Variants in SKP2 observed in about 807,000 individuals in gnomAD.
SKP2 encodes the protein S-phase kinase associated protein 2, also known as S-phase kinase-associated protein 2.
In SKP2, 16 loss-of-function variants were observed where a neutral mutation model predicts 51.8. The observed-to-expected ratio is 0.31, with a 90% CI of 0.21 to 0.47. The LOEUF (loss-of-function observed/expected upper bound fraction) is 0.47. SKP2 is among the 20% of genes least tolerant of loss of function. The probability of loss-of-function intolerance (pLI) is 1.00; values close to 1 mark genes in which losing one functional copy is unlikely to be tolerated. For synonymous variants in SKP2, 176 were observed against 198.6 expected (o/e 0.89, Z 0.96); for missense variants, 377 against 505.3 (o/e 0.75, Z 2.43).
chr5:36,164,104 C>A (rs1184073413), intron 3 of SKP2, among the ~76,000 whole-genome samples: 1 of 152,156 alleles, frequency 6.6e-6, no homozygotes. Context: ...GCAGTGAGCA[C>A]AATAGGGAGA....
chr5:36,187,440 T>G (rs985087703), downstream of SKP2, among the ~76,000 whole-genome samples: 1 of 150,868 alleles, frequency 6.6e-6, no homozygotes, highest in East Asian at 1.9e-4. Flanking sequence ...TGTGTCTTTG[T>G]TCTCATTCGT....
intron 5 of SKP2, among the ~76,000 whole-genome samples, chr5:36,169,252 C>T (rs757411533): frequency 9.2e-5 from 14 of 152,080 alleles, no homozygotes; most frequent in Non-Finnish European, 1.9e-4. Flanking sequence ...TGAGACCAGC[C>T]TGGCCAACAT....
At chr5:36,188,955 C>G (rs185618486), downstream of SKP2, among the ~76,000 whole-genome samples, 70 of 152,222 alleles carry the variant, frequency 4.6e-4, no homozygotes, top group South Asian at 0.011. Flanking sequence ...CTCTAAACTT[C>G]TCACTTCATT....
intron 7 of SKP2, 26 bp downstream of exon 7, chr5:36,171,759 T>G (rs1031608073): frequency 1.9e-6 from 3 of 1,610,702 alleles, no homozygotes; most frequent in Non-Finnish European, 2.5e-6. Context: ...CCTGGACCAC[T>G]GAGGCCTTCA....
In SKP2 at chr5:36,182,550, T is replaced by C; in HGVS notation, c.*519T>C. 1.0e-6 allele frequency: 1 copy of C among 984,970 alleles called. No individual in the cohort carries two copies. Among genetic ancestry groups the C allele is most frequent in the South Asian group, 4.7e-5 (1 of 21,280 alleles). 61.0% of individuals were successfully genotyped at this position (984,970 alleles called of 1,614,324 possible). A position where few individuals can be genotyped will look rare whatever the true frequency, so the allele number is the denominator to read the frequency against. Reference sequence around the variant, plus strand: ...TTTCTAGGAATAGGAAAGAGAAAAATGTATTTGAATTTTGCCTTTAGATTT... The same window carrying C: ...TTTCTAGGAATAGGAAAGAGAAAAACGTATTTGAATTTTGCCTTTAGATTT... On this transcript the variant is annotated 3_prime_UTR_variant, in exon 10 of 10. Transcript: ENST00000274255.
Position 36,168,458 on chromosome 5 carries a change from GGCAGAGTGTCACAAA to G in SKP2, c.671+13_671+27del, listed in dbSNP as rs763388054. 5 of 1,613,992 alleles carry G rather than the reference GGCAGAGTGTCACAAA, an allele frequency of 3.1e-6. No individual in the cohort carries two copies. Among genetic ancestry groups the G allele is most frequent in the Non-Finnish European group, 4.2e-6 (5 of 1,179,848 alleles). On this transcript the variant is annotated intron_variant, in intron 5 of 9. Transcript: ENST00000274255. Reference sequence around the variant, plus strand: ...GGATCCCATTGTCAAGTGAGTGGCAGGCAGAGTGTCACAAAGGCAGTTGATTTTATGTGTATGAAT... The same window carrying G: ...GGATCCCATTGTCAAGTGAGTGGCAGGGCAGTTGATTTTATGTGTATGAAT...
In SKP2 at chr5:36,181,833, T is replaced by A; in HGVS notation, c.1077T>A (p.Ile359=). Residue 359 remains isoleucine, a synonymous_variant, in exon 10 of 10, where the codon ATT becomes ATA. Coordinates refer to ENST00000274255, the MANE Select transcript of SKP2 (RefSeq NM_005983.4). ...TCCTTTCCAGTGAACTTGGAGAAAT[T>A]CCCACACTAAAAACACTACAAGTTT... The part of the protein sequence containing the change: ...IPETLLELGE[I]PTLKTLQVFG... 1.9e-6 allele frequency: 3 copies of A among 1,613,836 alleles called. No homozygotes were observed. The Admixed American group carries it at 5.0e-5, about 27-fold the overall frequency.
intron 2 of SKP2, among the ~76,000 whole-genome samples, chr5:36,163,106 G>A (rs1745176147): frequency 6.6e-6 from 1 of 152,100 alleles, no homozygotes; most frequent in Admixed American, 6.5e-5. Context: ...ATTTGGGTGG[G>A]GACACAGCCA....
intron 9 of SKP2, chr5:36,177,535 T>G (rs1478217390): frequency 1.9e-6 from 1 of 539,154 alleles, no homozygotes; most frequent in South Asian, 1.8e-5. Context: ...GCTTGCTGTC[T>G]TAGTATCTAT....
At chr5:36,180,125 C>T (rs1243753159) in intron 9 of SKP2, 3 of 487,018 alleles carry the variant, frequency 6.2e-6, no homozygotes, top group African/African-American at 5.9e-5. Flanking sequence ...GCCATTCCTC[C>T]TTTTCTTACT....
At chr5:36,172,479 T>G (rs1400741053) in intron 7 of SKP2, among the ~76,000 whole-genome samples, 1 of 152,166 alleles carries the variant, frequency 6.6e-6, no homozygotes. Context: ...AAATGGCAAG[T>G]TTTTTAAATG....
intron 2 of SKP2, among the ~76,000 whole-genome samples, chr5:36,156,155 T>TA (rs1744938729): frequency 6.6e-6 from 1 of 152,208 alleles, no homozygotes; most frequent in Non-Finnish European, 1.5e-5. Flanking sequence ...TACGTGGACT[T>TA]ACAACAGAGA....
chr5:36,182,229 T>C lies in SKP2; in HGVS notation c.*198T>C, dbSNP rs1192334888. On this transcript the variant is annotated 3_prime_UTR_variant, in exon 10 of 10. Coordinates refer to ENST00000274255, the MANE Select transcript of SKP2 (RefSeq NM_005983.4). ...ATTCTAAAAGCTTCTATCACTGCTTTGCTCTTAAGAGCCAAAGTTGTAGGC... is the reference window on the plus strand; with the variant it reads ...ATTCTAAAAGCTTCTATCACTGCTTCGCTCTTAAGAGCCAAAGTTGTAGGC... 4 of 1,372,944 alleles carry C rather than the reference T, an allele frequency of 2.9e-6. No homozygotes were observed. 85.0% of individuals were successfully genotyped at this position (1,372,944 alleles called of 1,614,324 possible).
chr5:36,162,920 G>C (rs1244201688), intron 2 of SKP2, among the ~76,000 whole-genome samples: 1 of 152,118 alleles, frequency 6.6e-6, no homozygotes, highest in Non-Finnish European at 1.5e-5. Flanking sequence ...CAGAGCAAAG[G>C]GGTCGGGGAA....
chr5:36,176,997 C>A lies in SKP2; in HGVS notation c.934C>A (p.Leu312Ile). The change falls in exon 8 of 10, where the codon CTT (leucine) becomes ATT (isoleucine). Residue 312 changes from leucine to isoleucine, a missense_variant. Physicochemically the swap from Leu to Ile is conservative, Grantham distance 5 (BLOSUM62 2). Coordinates refer to ENST00000274255, the MANE Select transcript of SKP2 (RefSeq NM_005983.4). Reference protein sequence around the residue: ...LSTLVRRCPNLVHLDLSDSVM... With the variant: ...LSTLVRRCPNIVHLDLSDSVM... ...TACTTTAGTTAGAAGATGCCCCAATCTTGTCCATCTAGACTTAAGGTATTT... is the reference window on the plus strand; with the variant it reads ...TACTTTAGTTAGAAGATGCCCCAATATTGTCCATCTAGACTTAAGGTATTT... 1 of 1,597,478 alleles carries A rather than the reference C, an allele frequency of 6.3e-7. No homozygotes were observed. The highest frequency in any genetic ancestry group is 8.6e-7 in the Non-Finnish European group (1 of 1,169,270).
In SKP2 at chr5:36,177,271, A is replaced by C. The variant is rs758563838; in HGVS notation, c.1040A>C (p.Asp347Ala). The change falls in exon 9 of 10, where the codon GAT becomes GCT. Residue 347 changes from aspartate (D) to alanine (A), a missense_variant. Around this residue, in one of 2 missense-constraint regions of SKP2, gnomAD observed 262 missense variants for 389.8 expected, o/e 0.67. Coordinates refer to ENST00000274255, the MANE Select transcript of SKP2 (RefSeq NM_005983.4). ...LQHLSLSRCY[D>A]IIPETLLELG... Reference sequence around the variant, plus strand: ...CACCTATCACTCAGTCGGTGCTATGATATAATACCTGAAACTTTACTGTAA... The same window carrying C: ...CACCTATCACTCAGTCGGTGCTATGCTATAATACCTGAAACTTTACTGTAA... The C allele has an allele frequency of 6.2e-7, 1 of 1,605,758 alleles. No individual in the cohort carries two copies. Among genetic ancestry groups the C allele is most frequent in the South Asian group, 1.1e-5 (1 of 90,892 alleles).
chr5:36,168,346 C>T lies in SKP2; in HGVS notation c.570C>T (p.Asn190=), dbSNP rs748647819. The T allele has an allele frequency of 3.1e-6, 5 of 1,614,118 alleles. No individual in the cohort carries two copies. The highest frequency in any genetic ancestry group is 1.7e-5 in the Admixed American group (1 of 60,026). Residue 190 remains asparagine (N), a synonymous_variant, in exon 5 of 10, where the codon AAC becomes AAT. Transcript: ENST00000274255. ...PFRVQHMDLS[N]SVIEVSTLHG... is the part of the protein sequence containing the mutation. ...GTGTACAGCACATGGACCTATCGAACTCAGTTATAGAAGTGTCCACCCTCC... is the reference window on the plus strand; with the variant it reads ...GTGTACAGCACATGGACCTATCGAATTCAGTTATAGAAGTGTCCACCCTCC...
At chr5:36,153,905 G>A (rs563317598) in intron 2 of SKP2, among the ~76,000 whole-genome samples, 2 of 152,142 alleles carry the variant, frequency 1.3e-5, no homozygotes, top group East Asian at 3.9e-4. Context: ...CATTGACCTG[G>A]GGTTATCAGT....
chr5:36,182,541 A>G lies in SKP2; in HGVS notation c.*510A>G, dbSNP rs1745844816. The G allele has an allele frequency of 5.1e-6, 5 of 985,292 alleles. No homozygotes were observed. The highest frequency in any genetic ancestry group is 1.1e-4 in the East Asian group (1 of 8,830). 61.0% of individuals were successfully genotyped at this position (985,292 alleles called of 1,614,324 possible). A position where few individuals can be genotyped will look rare whatever the true frequency, so the allele number is the denominator to read the frequency against. On this transcript the variant is annotated 3_prime_UTR_variant, in exon 10 of 10. Transcript: ENST00000274255. ...AGGCCATCTTTTCTAGGAATAGGAA[A>G]GAGAAAAATGTATTTGAATTTTGCC...
Sources: allele counts gnomAD v4.1 joint callset (sites outside exome capture counted in the v4.1 genomes callset), GRCh38; gene constraint gnomAD v4.1.1; regional missense constraint gnomAD v4.1.1; transcripts MANE v1.5; gene names NCBI Gene and HGNC (gene_info 2026-07-23, HGNC 2026-07-21).